The following SPTBN2 variants were observed in gnomAD, a reference collection of about 807,000 sequenced individuals.
The protein encoded by SPTBN2 is spectrin beta, non-erythrocytic 2, also known as spectrin beta chain, non-erythrocytic 2.
In SPTBN2, 107 loss-of-function variants were observed where a neutral mutation model predicts 284.2. The ratio of observed to expected loss-of-function variants is 0.38; its 90% CI spans 0.32 to 0.44. The LOEUF is 0.44. SPTBN2 is among the 20% of genes least tolerant of loss of function. SPTBN2 has a pLI of 1.00. For missense variants in SPTBN2, 2,569 were observed against 3,287.1 expected (o/e 0.78, Z 5.34); for synonymous variants, 1,289 against 1,354.8 (o/e 0.95, Z 1.07).
Position 66,691,368 on chromosome 11 carries a change from C to A in SPTBN2, c.5481G>T (p.Gly1827=), listed in dbSNP as rs375186315. Residue 1827 remains glycine, a synonymous_variant, in exon 27 of 38, where the codon GGG becomes GGT. Coordinates refer to ENST00000533211, the MANE Select transcript of SPTBN2 (RefSeq NM_006946.4). The surrounding 1 kb of genome is among the most constrained non-coding windows in gnomAD (Gnocchi z 8.0). The part of the protein sequence containing the change: ...VQHKQQQLPD[G]TGRDLNAAEA... Reference sequence around the variant, plus strand: ...CGGCAGCGTTGAGGTCGCGGCCAGTCCCGTCCGGAAGCTGCTGCTGCTTGT... The same window carrying A: ...CGGCAGCGTTGAGGTCGCGGCCAGTACCGTCCGGAAGCTGCTGCTGCTTGT... The A allele has an allele frequency of 1.9e-6, 3 of 1,590,836 alleles. No homozygotes were observed. Among genetic ancestry groups the A allele is most frequent in the East Asian group, 2.3e-5 (1 of 44,438 alleles).
In SPTBN2 at chr11:66,704,648, G is replaced by A. The variant is rs142869936; in HGVS notation, c.2628C>T (p.Asn876=). The change falls in exon 15 of 38, where the codon AAC becomes AAT. Residue 876 remains asparagine, a synonymous_variant. Coordinates refer to ENST00000533211, the MANE Select transcript of SPTBN2 (RefSeq NM_006946.4). ...CCAGGCGTTCAGGCAGGGCCAGCCC[G>A]TTGAGCCACTGCTCCTTCTCCTCCA... ...LWVEEKEQWL[N]GLALPERLED... is the part of the protein sequence containing the mutation. 8.7e-6 allele frequency: 14 copies of A among 1,606,742 alleles called. No homozygotes were observed. The highest frequency in any genetic ancestry group is 5.4e-5 in the African/African-American group (4 of 74,476).
Position 66,685,951 on chromosome 11 carries a change from C to G in SPTBN2, c.7093G>C (p.Gly2365Arg). 1 of 1,613,934 alleles carries G rather than the reference C, an allele frequency of 6.2e-7. No individual in the cohort carries two copies. Among genetic ancestry groups the G allele is most frequent in the Non-Finnish European group, 8.5e-7 (1 of 1,180,034 alleles). ...TCTTTGCTGCGGAGCACAACAGGCC[C>G]CTCAGCCCCGACGGGTGACACTGGG... is the stretch of plus-strand genomic sequence containing the variant. ...MPPVSPVGAE[G>R]PVVLRSKDGR... Residue 2365 changes from glycine to arginine, a missense_variant, in exon 38 of 38, where the codon GGG becomes CGG. This residue lies in a region of SPTBN2 where 1,130 missense variants were observed against 1,317.3 expected (regional missense o/e 0.86). Transcript: ENST00000533211. The surrounding 1 kb of genome is among the most constrained non-coding windows in gnomAD (Gnocchi z 4.4).
In SPTBN2 at chr11:66,707,675, G is replaced by A. The variant is rs779683632; in HGVS notation, c.1494C>T (p.Asp498=). Residue 498 remains aspartate (D), a synonymous_variant, in exon 13 of 38, where the codon GAC becomes GAT. Transcript: ENST00000533211. This position sits in a 1 kb window ranked among gnomAD's most constrained non-coding sequence, Gnocchi z 4.9. The part of the protein sequence containing the change: ...AAELAAERYH[D]IKRIAARQHN... ...GCTGCCGAGCGGCGATGCGCTTGAT[G>A]TCGTGGTAGCGCTCGGCGGCCAGCT... 1 of 1,606,816 alleles carries A rather than the reference G, an allele frequency of 6.2e-7. No homozygotes were observed. The highest frequency in any genetic ancestry group is 8.5e-7 in the Non-Finnish European group (1 of 1,179,652).
chr11:66,701,564 T>C lies in SPTBN2; in HGVS notation c.2816+20A>G. The C allele has an allele frequency of 1.2e-6, 2 of 1,614,170 alleles. No individual in the cohort carries two copies. Among genetic ancestry groups the C allele is most frequent in the Non-Finnish European group, 1.7e-6 (2 of 1,180,032 alleles). On this transcript the variant is annotated intron_variant, in intron 16 of 37. Transcript: ENST00000533211. ...CTTCATTTTTCTGTCAGTTTCCTGG[T>C]CCTGCCCTCCCAAACCCACCTGTGG...
chr11:66,693,428 G>C lies in SPTBN2; in HGVS notation c.4612C>G (p.Gln1538Glu). The C allele has an allele frequency of 6.3e-7, 1 of 1,599,378 alleles. No individual in the cohort carries two copies. Among genetic ancestry groups the C allele is most frequent in the South Asian group, 1.1e-5 (1 of 91,042 alleles). The change falls in exon 24 of 38, where the codon CAG becomes GAG. Residue 1538 changes from glutamine to glutamate, a missense_variant. By Grantham distance (29) the Gln-to-Glu change is conservative (BLOSUM62 2). Around this residue, in one of 6 missense-constraint regions of SPTBN2, gnomAD observed 1,130 missense variants for 1,317.3 expected, o/e 0.86. Coordinates refer to ENST00000533211, the MANE Select transcript of SPTBN2 (RefSeq NM_006946.4). The surrounding 1 kb of genome is among the most constrained non-coding windows in gnomAD (Gnocchi z 5.7). Reference sequence around the variant, plus strand: ...TCCGCGATCCGGGGCTCATGGCCCTGAATCTCTTTCTGCAGGGTCTGCCCA... The same window carrying C: ...TCCGCGATCCGGGGCTCATGGCCCTCAATCTCTTTCTGCAGGGTCTGCCCA... ...KKNQTLQKEI[Q>E]GHEPRIADLR...
rs55908905 is a variant in SPTBN2, at chr11:66,710,393, AT to A, written c.1073+188del. On this transcript the variant is annotated intron_variant, in intron 10 of 37. Transcript: ENST00000533211. The surrounding 1 kb of genome is among the most constrained non-coding windows in gnomAD (Gnocchi z 4.9). Reference sequence around the variant, plus strand: ...GCCACCATGCCCGGCCCACAGCATGATTTTTAAAAACGACTAATCATTAAAA... The same window carrying A: ...GCCACCATGCCCGGCCCACAGCATGATTTTAAAAACGACTAATCATTAAAA... Among the ~76,000 whole-genome samples the A allele has an allele frequency of 0.25, 37,407 of 152,062 alleles. 4,689 individuals carry two copies. Among genetic ancestry groups the A allele is most frequent in the Middle Eastern group, 0.33 (96 of 294 alleles).
chr11:66,725,328 G>A (rs1289019775), intron 1 of SPTBN2, among the ~76,000 whole-genome samples: 2 of 152,284 alleles, frequency 1.3e-5, no homozygotes, highest in Non-Finnish European at 2.9e-5. Flanking sequence ...CAAGCATTCT[G>A]GCTCTGTAGC....
Position 66,707,713 on chromosome 11 carries a change from C to T in SPTBN2, c.1456G>A (p.Ala486Thr), listed in dbSNP as rs143155918. The part of the protein sequence containing the change: ...AYSGRVQAVD[A>T]VAAELAAERY... Reference sequence around the variant, plus strand: ...TCGGCGGCCAGCTCTGCAGCCACGGCGTCCACTGCCTGCACCCGGCCGCTG... The same window carrying T: ...TCGGCGGCCAGCTCTGCAGCCACGGTGTCCACTGCCTGCACCCGGCCGCTG... The change falls in exon 13 of 38, where the codon GCC becomes ACC. Residue 486 changes from alanine to threonine, a missense_variant. Transcript: ENST00000533211. The surrounding 1 kb of genome is among the most constrained non-coding windows in gnomAD (Gnocchi z 4.9). The T allele has an allele frequency of 1.4e-3, 2,287 of 1,605,236 alleles. 1 individual carries two copies. Among genetic ancestry groups the T allele is most frequent in the Non-Finnish European group, 1.8e-3 (2,177 of 1,178,748 alleles).
rs182618431 is a variant in SPTBN2, at chr11:66,737,458, C to A, written c.-475+7084G>T. Among the ~76,000 whole-genome samples the A allele has an allele frequency of 8.0e-4, 122 of 152,176 alleles. 3 individuals carry two copies. In the East Asian group the frequency reaches 0.021, roughly 26 times the overall value. ...ATTACACTCCTGGGTATTCTCCACGCCCCTTTATAAAGGGATTAGATGGAT... is the reference window on the plus strand; with the variant it reads ...ATTACACTCCTGGGTATTCTCCACGACCCTTTATAAAGGGATTAGATGGAT... On this transcript the variant is annotated intron_variant, in intron 1 of 37. Transcript: ENST00000611817.
At chr11:66,743,846 G>A (rs1264557024) in intron 1 of SPTBN2, among the ~76,000 whole-genome samples, 2 of 152,136 alleles carry the variant, frequency 1.3e-5, no homozygotes, top group African/African-American at 2.4e-5. Flanking sequence ...TGGTTGTAAG[G>A]TAAAAGACGG....
intron 16 of SPTBN2, 60 bp downstream of exon 16, chr11:66,701,524 C>G: frequency 6.2e-7 from 1 of 1,613,648 alleles, no homozygotes; most frequent in Non-Finnish European, 8.5e-7. Context: ...CTGCCTCTCA[C>G]TGCCATCCCC....
chr11:66,703,818 GAATA>G (rs1941378996), intron 15 of SPTBN2, among the ~76,000 whole-genome samples: 1 of 151,858 alleles, frequency 6.6e-6, no homozygotes, highest in East Asian at 1.9e-4. Context: ...ATTTATTATT[GAATA>G]AATGATTTGA....
In SPTBN2 at chr11:66,710,564, G is replaced by C; in HGVS notation, c.1073+18C>G. ...GGGAGCACAGCTCAGGGAAGGGTGG[G>C]GCCCCAGGGACACCTACTTGGGCGG... is the stretch of plus-strand genomic sequence containing the variant. On this transcript the variant is annotated intron_variant, in intron 10 of 37. Coordinates refer to ENST00000533211, the MANE Select transcript of SPTBN2 (RefSeq NM_006946.4). The surrounding 1 kb of genome is among the most constrained non-coding windows in gnomAD (Gnocchi z 4.9). 2 of 1,611,642 alleles carry C rather than the reference G, an allele frequency of 1.2e-6. No homozygotes were observed. The highest frequency in any genetic ancestry group is 4.5e-5 in the East Asian group (2 of 44,808).
chr11:66,683,848 G>A lies in SPTBN2; in HGVS notation c.*2023C>T, dbSNP rs557000178. On this transcript the variant is annotated 3_prime_UTR_variant, in exon 38 of 38. Coordinates refer to ENST00000533211, the MANE Select transcript of SPTBN2 (RefSeq NM_006946.4). ...ACCTAGATTCCCTGAGCACCCCCAA[G>A]GTATGACTGTCTCTTCAGTGGAGAT... is the stretch of plus-strand genomic sequence containing the variant. 6.6e-6 allele frequency among the ~76,000 whole-genome samples: 1 copy of A among 152,328 alleles called. No individual in the cohort carries two copies. Among genetic ancestry groups the A allele is most frequent in the South Asian group, 2.1e-4 (1 of 4,828 alleles).
chr11:66,727,291 C>T (rs1942652580), intron 1 of SPTBN2, among the ~76,000 whole-genome samples: 1 of 152,214 alleles, frequency 6.6e-6, no homozygotes, highest in African/African-American at 2.4e-5. Flanking sequence ...TTTGTTGCTA[C>T]CTCTGCCCAT....
At chr11:66,698,511 T>C in intron 20 of SPTBN2, 128 bp downstream of exon 20, 1 of 1,408,180 alleles carries the variant, frequency 7.1e-7, no homozygotes, top group Admixed American at 1.8e-5. Context: ...GCCATAACTT[T>C]CCACCATGGA....
chr11:66,700,678 G>A lies in SPTBN2; in HGVS notation c.3421C>T (p.Leu1141Phe), dbSNP rs752501891. 6.2e-7 allele frequency: 1 copy of A among 1,606,578 alleles called. No individual in the cohort carries two copies. Among genetic ancestry groups the A allele is most frequent in the South Asian group, 1.1e-5 (1 of 91,086 alleles). Residue 1141 changes from leucine (L) to phenylalanine (F), a missense_variant, in exon 17 of 38, where the codon CTC becomes TTC. This residue lies in a region of SPTBN2 where 1,012 missense variants were observed against 1,248.9 expected (regional missense o/e 0.81). Coordinates refer to ENST00000533211, the MANE Select transcript of SPTBN2 (RefSeq NM_006946.4). The surrounding 1 kb of genome is among the most constrained non-coding windows in gnomAD (Gnocchi z 6.6). ...GCCTCCAGTCGCTGTCGTAGGAAGA[G>A]GCACTGGGGGTCAGCCTGGTCCCGG... ...VTRDQADPQC[L>F]FLRQRLEALG...
chr11:66,684,201 C>T lies in SPTBN2; in HGVS notation c.*1670G>A, dbSNP rs377048955. On this transcript the variant is annotated 3_prime_UTR_variant, in exon 38 of 38. Transcript: ENST00000533211. ...GTGTATAGGAAACAATGAAAGAACACGCTTTTCCTGTTGGAGGCCACCAAG... is the reference window on the plus strand; with the variant it reads ...GTGTATAGGAAACAATGAAAGAACATGCTTTTCCTGTTGGAGGCCACCAAG... Among the ~76,000 whole-genome samples the T allele has an allele frequency of 3.3e-4, 50 of 152,284 alleles. 1 individual carries two copies. The highest frequency in any genetic ancestry group is 1.1e-3 in the African/African-American group (45 of 41,560).
chr11:66,715,075 G>A lies in SPTBN2; in HGVS notation c.483+147C>T. On this transcript the variant is annotated intron_variant, in intron 5 of 37. Transcript: ENST00000533211. This position sits in a 1 kb window ranked among gnomAD's most constrained non-coding sequence, Gnocchi z 5.3. Reference sequence around the variant, plus strand: ...TGAAAGAGGGGAGTCCACTGATCTGGTGCTTGGATAGCGCCGCCATGGCAG... The same window carrying A: ...TGAAAGAGGGGAGTCCACTGATCTGATGCTTGGATAGCGCCGCCATGGCAG... The A allele has an allele frequency of 2.0e-6, 2 of 1,022,044 alleles. No individual in the cohort carries two copies. Among genetic ancestry groups the A allele is most frequent in the Non-Finnish European group, 2.9e-6 (2 of 682,296 alleles). 63.3% of individuals were successfully genotyped at this position (1,022,044 alleles called of 1,614,324 possible).
Sources: gnomAD v4.1 joint callset for allele counts (sites outside exome capture counted in the v4.1 genomes callset) on GRCh38, gnomAD v4.1.1 for gene constraint, gnomAD v4.1.1 regional missense constraint, Gnocchi (gnomAD v3.1) non-coding constraint, MANE v1.5 for transcripts, NCBI Gene and HGNC (gene_info 2026-07-23, HGNC 2026-07-21) for gene names.